The following SANBR variants were observed in gnomAD, a reference collection of about 807,000 sequenced individuals.
SANBR encodes SANT and BTB domain regulator of CSR.
Under a neutral mutation model 101.8 loss-of-function variants are expected in SANBR, and 77 were observed. The observed-to-expected ratio is 0.76, with a 90% confidence interval of 0.63 to 0.91. The LOEUF (loss-of-function observed/expected upper bound fraction) is 0.91, where lower values mean the gene tolerates loss of function less well. SANBR is among the 40% of genes least tolerant of loss of function. SANBR has a pLI of 0.00. For synonymous variants in SANBR, 279 were observed against 274.7 expected (o/e 1.02, Z -0.15); for missense variants, 875 against 853.0 (o/e 1.03, Z -0.32).
At position 61,118,131 on chromosome 2, in the gene SANBR, C is replaced by G. The variant is rs1172880351; in HGVS notation, c.2028+15C>G. On this transcript the variant is annotated intron_variant, in intron 20 of 21. Coordinates refer to ENST00000402291, the MANE Select transcript of SANBR (RefSeq NM_001129993.3). ...AAGCAAAAGAAGTAAGAATTGTGTA[C>G]TAGTGTATTGTACTTGTGTAAAATA... 2 of 1,565,352 alleles carry G rather than the reference C, an allele frequency of 1.3e-6. No homozygotes were observed. The highest frequency in any genetic ancestry group is 1.7e-5 in the Admixed American group (1 of 59,148).
chr2:61,070,723 A>G (rs1049994009), intron 3 of SANBR, among the ~76,000 whole-genome samples: 1 of 147,056 alleles, frequency 6.8e-6, no homozygotes, highest in East Asian at 1.9e-4. Context: ...ATATATATTT[A>G]TATATAATAT....
At chr2:61,111,730 T>C (rs1683839419) in intron 16 of SANBR, among the ~76,000 whole-genome samples, 1 of 152,240 alleles carries the variant, frequency 6.6e-6, no homozygotes. Context: ...CCAGTTCTGC[T>C]CTCAGGCAAC....
At position 61,092,605 on chromosome 2, in the gene SANBR, A is replaced by T. The variant is rs72809464; in HGVS notation, c.1212+18A>T. 5.0e-4 allele frequency: 754 copies of T among 1,507,890 alleles called. No homozygotes were observed. The highest frequency in any genetic ancestry group is 5.8e-4 in the Non-Finnish European group (647 of 1,113,680). 93.4% of individuals were successfully genotyped at this position (1,507,890 alleles called of 1,614,324 possible). A position where few individuals can be genotyped will look rare whatever the true frequency, so the allele number is the denominator to read the frequency against. ...GTTATCAGGTAAGATTTTTTTTTTT[A>T]AATATCCTGCTCTGCAAATATTGAG... On this transcript the variant is annotated intron_variant, in intron 11 of 21. Coordinates refer to ENST00000402291, the MANE Select transcript of SANBR (RefSeq NM_001129993.3).
intron 6 of SANBR, among the ~76,000 whole-genome samples, chr2:61,078,485 A>ACG (rs1559081753): frequency 1.3e-5 from 2 of 151,624 alleles, no homozygotes; most frequent in African/African-American, 4.8e-5. Context: ...GCAACGGTGC[A>ACG]ATCTCAGCTC....
At chr2:61,111,253 C>A (rs1021439451) in intron 16 of SANBR, among the ~76,000 whole-genome samples, 9 of 152,064 alleles carry the variant, frequency 5.9e-5, no homozygotes, top group Non-Finnish European at 5.9e-5. Context: ...ATTAGCCAGG[C>A]GTGGTGGCGG....
intron 8 of SANBR, among the ~76,000 whole-genome samples, chr2:61,084,391 T>G (rs984683516): frequency 6.6e-6 from 1 of 152,198 alleles, no homozygotes; most frequent in Non-Finnish European, 1.5e-5. Flanking sequence ...AATGGCCATA[T>G]GAACATATCG....
chr2:61,132,805 C>T (rs187505393), intron 20 of SANBR, among the ~76,000 whole-genome samples: 6 of 152,094 alleles, frequency 3.9e-5, no homozygotes, highest in African/African-American at 9.7e-5. Flanking sequence ...ATGTCTATAC[C>T]GTGGAATATT....
chr2:61,078,331 A>G (rs1180106941), intron 6 of SANBR, among the ~76,000 whole-genome samples: 2 of 152,186 alleles, frequency 1.3e-5, no homozygotes, highest in Non-Finnish European at 2.9e-5. Context: ...GCTACCCACA[A>G]ATTGAATGCA....
intron 6 of SANBR, among the ~76,000 whole-genome samples, chr2:61,079,837 TTGCAG>T (rs1372987445): frequency 6.7e-6 from 1 of 149,254 alleles, no homozygotes; most frequent in African/African-American, 2.5e-5. Context: ...GAGGCAGAGG[TTGCAG>T]TGAGCAGAGA....
intron 5 of SANBR, among the ~76,000 whole-genome samples, chr2:61,074,207 C>T (rs764001879): frequency 1.3e-5 from 2 of 152,094 alleles, no homozygotes; most frequent in Non-Finnish European, 2.9e-5. Context: ...ATATATAATT[C>T]ATATGTCATA....
At chr2:61,083,072 T>A in intron 7 of SANBR, 82 bp from the exon 8 acceptor site, 2 of 1,121,700 alleles carry the variant, frequency 1.8e-6, no homozygotes, top group Non-Finnish European at 2.6e-6. Flanking sequence ...AGACTTTTAA[T>A]GAATTTTATC....
At chr2:61,080,066 A>G (rs1682020103) in intron 6 of SANBR, among the ~76,000 whole-genome samples, 1 of 150,482 alleles carries the variant, frequency 6.6e-6, no homozygotes, top group South Asian at 2.1e-4. Flanking sequence ...GCGTGGTGGC[A>G]GGTGCCTGTA....
chr2:61,127,195 C>G (rs1684538365), downstream of SANBR, among the ~76,000 whole-genome samples: 1 of 152,202 alleles, frequency 6.6e-6, no homozygotes, highest in Non-Finnish European at 1.5e-5. Flanking sequence ...AGAACAGTGA[C>G]TGGAGCAGCT....
At chr2:61,114,600 A>T (rs751542573) in intron 16 of SANBR, among the ~76,000 whole-genome samples, 13 of 152,160 alleles carry the variant, frequency 8.5e-5, no homozygotes, top group Non-Finnish European at 1.5e-4. Context: ...ATCTCACTGC[A>T]TTGGACTTGC....
Position 61,090,909 on chromosome 2 carries a change from CTT to C in SANBR, c.1089-1539_1089-1538del, listed in dbSNP as rs747161495. 2.9e-3 allele frequency among the ~76,000 whole-genome samples: 398 copies of C among 139,146 alleles called. 2 individuals carry two copies. The highest frequency in any genetic ancestry group is 8.3e-3 in the African/African-American group (315 of 38,126). The allele number at this position is 139,146 out of a possible 152,430, so 91.3% of individuals were successfully genotyped here. A position where few individuals can be genotyped will look rare whatever the true frequency, so the allele number is the denominator to read the frequency against. The stretch of plus-strand genomic sequence containing the variant: ...CATTTAAAAAATTGTTTTAAAATTC[CTT>C]TTTTTTTTTTTTTTTGAGTTGGAGT... On this transcript the variant is annotated intron_variant, in intron 10 of 21. Coordinates refer to ENST00000402291, the MANE Select transcript of SANBR (RefSeq NM_001129993.3).
chr2:61,087,130 A>G (rs1424789210), intron 8 of SANBR, among the ~76,000 whole-genome samples: 1 of 152,208 alleles, frequency 6.6e-6, no homozygotes, highest in Admixed American at 6.5e-5. Flanking sequence ...TGGACATACT[A>G]ACCACACTTT....
At chr2:61,084,697 G>A (rs1178146694) in intron 8 of SANBR, among the ~76,000 whole-genome samples, 2 of 152,174 alleles carry the variant, frequency 1.3e-5, no homozygotes. Flanking sequence ...GCAAGCAGGG[G>A]AGTGACGTGA....
intron 20 of SANBR, among the ~76,000 whole-genome samples, chr2:61,118,878 A>G (rs569443040): frequency 6.6e-6 from 1 of 152,024 alleles, no homozygotes; most frequent in Non-Finnish European, 1.5e-5. Context: ...GTATTTTTTT[A>G]TATTCTGTAT....
At chr2:61,075,936 A>G (rs971642275) in intron 5 of SANBR, among the ~76,000 whole-genome samples, 1 of 151,908 alleles carries the variant, frequency 6.6e-6, no homozygotes, top group African/African-American at 2.4e-5. Flanking sequence ...CAGGAATTAG[A>G]GTGTGTTGCT....
Sources: gnomAD v4.1 joint callset for allele counts (sites outside exome capture counted in the v4.1 genomes callset) on GRCh38, gnomAD v4.1.1 for gene constraint, MANE v1.5 for transcripts, NCBI Gene and HGNC (gene_info 2026-07-23, HGNC 2026-07-21) for gene names.